FAM53A: variants seen among roughly 807,000 people sequenced by gnomAD.
The protein encoded by FAM53A is protein FAM53A.
In FAM53A, 28 loss-of-function variants were observed where a neutral mutation model predicts 26.6. The ratio of observed to expected loss-of-function variants is 1.05; its 90% CI spans 0.78 to 1.45. The LOEUF (loss-of-function observed/expected upper bound fraction) is 1.45. Among genes scored for constraint, FAM53A ranks in the 40% most tolerant of loss-of-function variants. The probability of loss-of-function intolerance (pLI) is 0.00; values close to 1 mark genes in which losing one functional copy is unlikely to be tolerated. For synonymous variants in FAM53A, 290 were observed against 253.1 expected, an observed-to-expected ratio of 1.15 and a Z score of -1.38; for missense variants, 650 against 575.8, an observed-to-expected ratio of 1.13 and a Z score of -1.32.
At chr4:1,633,037 C>G (rs570960765) in intron 1 of FAM53A, among the ~76,000 whole-genome samples, 1 of 150,022 alleles carries the variant, frequency 6.7e-6, no homozygotes, top group East Asian at 1.9e-4. Context: ...CATGCTCACA[C>G]GCATAGGTAC....
chr4:1,674,668 CA>C (rs34285756), intron 1 of FAM53A, among the ~76,000 whole-genome samples: 128,007 of 143,664 alleles, frequency 0.89, 56,868 homozygotes, highest in East Asian at 0.94. Flanking sequence ...GACTCTGTCT[CA>C]AAAAAAAAAA....
At position 1,622,453 on chromosome 4, in the gene FAM53A, T is replaced by C. The variant is rs564553106; in HGVS notation, c.432-4342A>G. ...GGCCCTGGCCCCACGGCCCCTCCCATGACCTCCTTCCACTGGGCTCCTCCT... is the reference window on the plus strand; with the variant it reads ...GGCCCTGGCCCCACGGCCCCTCCCACGACCTCCTTCCACTGGGCTCCTCCT... On this transcript the variant is annotated intron_variant, in intron 1 of 1. Coordinates refer to the FAM53A transcript ENST00000489029. Among the ~76,000 whole-genome samples, 426 of 152,198 alleles carry C rather than the reference T, an allele frequency of 2.8e-3. 2 individuals carry two copies. The highest frequency in any genetic ancestry group is 4.1e-3 in the Non-Finnish European group (276 of 68,022).
downstream of FAM53A, among the ~76,000 whole-genome samples, chr4:1,636,516 T>A (rs1017518389): frequency 1.3e-5 from 2 of 152,224 alleles, no homozygotes; most frequent in Admixed American, 6.5e-5. Context: ...GCTTCAAGCT[T>A]CCCGCTGTAC....
At chr4:1,601,225 C>T in the FAM53A span, among the ~76,000 whole-genome samples, 2 of 116,210 alleles carry the variant, frequency 1.7e-5, 1 homozygote, top group Admixed American at 1.9e-4. Flanking sequence ...CCTGGAGCCG[C>T]AACAGGTCGG....
At chr4:1,629,122 C>A (rs1302411724) in intron 1 of FAM53A, among the ~76,000 whole-genome samples, 1 of 152,036 alleles carries the variant, frequency 6.6e-6, no homozygotes, top group Non-Finnish European at 1.5e-5. Context: ...GGATACCTCG[C>A]CCAGCCCAGC....
chr4:1,624,391 G>A (rs1185787484), intron 1 of FAM53A, among the ~76,000 whole-genome samples: 1 of 152,184 alleles, frequency 6.6e-6, no homozygotes, highest in Non-Finnish European at 1.5e-5. Context: ...GGGGACTGGT[G>A]CTTCAAGAGG....
Position 1,655,071 on chromosome 4 carries a change from G to C in FAM53A, c.789C>G (p.Cys263Trp). 1 of 1,601,188 alleles carries C rather than the reference G, an allele frequency of 6.2e-7. No individual in the cohort carries two copies. The highest frequency in any genetic ancestry group is 8.5e-7 in the Non-Finnish European group (1 of 1,173,752). The change falls in exon 4 of 5, where the codon TGC becomes TGG. Residue 263 changes from cysteine to tryptophan, a missense_variant. Cys to Trp is a radical substitution (Grantham distance 215). Transcript: ENST00000308132. ...RGLLRCRSQP[C>W]VLSGKRSRRK... ...GCCGGCTCCTCTTCCCACTGAGCAC[G>C]CAAGGCTGTGAGCGGCACCGGAGCA...
chr4:1,636,351 C>T (rs1311316958), downstream of FAM53A, among the ~76,000 whole-genome samples: 4 of 152,176 alleles, frequency 2.6e-5, no homozygotes, highest in Non-Finnish European at 4.4e-5. Flanking sequence ...TCTACTTGAC[C>T]GATTAACCAC....
chr4:1,638,372 G>T (rs1214191426), downstream of FAM53A, among the ~76,000 whole-genome samples: 2 of 152,102 alleles, frequency 1.3e-5, no homozygotes, highest in African/African-American at 4.8e-5. Flanking sequence ...CACCCGCAGA[G>T]GACACAGCAG....
chr4:1,582,230 G>A, the FAM53A span, among the ~76,000 whole-genome samples: 23 of 152,244 alleles, frequency 1.5e-4, no homozygotes, highest in African/African-American at 4.1e-4. Flanking sequence ...GGTCCCTGCC[G>A]TGGGGGCAGT....
the FAM53A span, among the ~76,000 whole-genome samples, chr4:1,598,125 G>A: frequency 2.0e-5 from 3 of 152,198 alleles, no homozygotes; most frequent in Non-Finnish European, 4.4e-5. Context: ...TGCTGCCTAC[G>A]TACCCCCTTT....
chr4:1,600,381 C>A, the FAM53A span, among the ~76,000 whole-genome samples: 1 of 152,120 alleles, frequency 6.6e-6, no homozygotes. Flanking sequence ...AACCAGAAAG[C>A]CATGTCTATA....
intron 1 of FAM53A, among the ~76,000 whole-genome samples, chr4:1,675,464 G>A (rs1451679123): frequency 6.6e-6 from 1 of 152,140 alleles, no homozygotes; most frequent in African/African-American, 2.4e-5. Context: ...TTCAGAGGAC[G>A]GCTACAACGA....
the FAM53A span, among the ~76,000 whole-genome samples, chr4:1,590,065 T>C: frequency 6.6e-6 from 1 of 152,214 alleles, no homozygotes; most frequent in Admixed American, 6.5e-5. Context: ...GCTTTGGGTA[T>C]GTCTCACAGC....
intron 1 of FAM53A, among the ~76,000 whole-genome samples, chr4:1,624,945 G>T: frequency 7.1e-6 from 1 of 141,138 alleles, no homozygotes; most frequent in South Asian, 2.2e-4. Context: ...CACGCCAAGT[G>T]ATCAGAAGCC....
intron 1 of FAM53A, among the ~76,000 whole-genome samples, chr4:1,679,106 T>C (rs1715231017): frequency 6.6e-6 from 1 of 152,122 alleles, no homozygotes. Context: ...AAAGAAAATA[T>C]TTGCAAAAGA....
At chr4:1,684,823 A>G (rs1577169976), upstream of FAM53A, among the ~76,000 whole-genome samples, 4 of 152,304 alleles carry the variant, frequency 2.6e-5, 1 homozygote, top group South Asian at 8.3e-4. Context: ...CACAGTGTGA[A>G]TTAGGCCCTC....
the FAM53A span, among the ~76,000 whole-genome samples, chr4:1,579,678 G>A: frequency 1.3e-4 from 20 of 152,192 alleles, no homozygotes; most frequent in Non-Finnish European, 5.9e-5. Flanking sequence ...GACTCAGAAC[G>A]CCCAGGTCCG....
intron 4 of FAM53A, among the ~76,000 whole-genome samples, chr4:1,653,486 C>A (rs1223652045): frequency 6.6e-6 from 1 of 152,192 alleles, no homozygotes; most frequent in Non-Finnish European, 1.5e-5. Context: ...GCTCCCATCC[C>A]TCCTGGTCCC....
Sources: allele counts gnomAD v4.1 joint callset (sites outside exome capture counted in the v4.1 genomes callset), GRCh38; gene constraint gnomAD v4.1.1; transcripts MANE v1.5; gene names NCBI Gene and HGNC (gene_info 2026-07-23, HGNC 2026-07-21).